The following ARHGAP26 variants were observed in gnomAD, a reference collection of about 807,000 sequenced individuals.
ARHGAP26 encodes Rho GTPase activating protein 26.
Under a neutral mutation model 104.8 loss-of-function variants are expected in ARHGAP26, and 38 were observed. That is an observed-to-expected ratio of 0.36 (90% confidence interval 0.28 to 0.48). The LOEUF is 0.48. Ranked by LOEUF, ARHGAP26 falls within the 20% of genes least tolerant of loss-of-function variation. ARHGAP26 has a pLI of 0.99. For synonymous variants in ARHGAP26, 341 were observed against 340.0 expected, an observed-to-expected ratio of 1.00 and a Z score of -0.03; for missense variants, 704 against 947.9, an observed-to-expected ratio of 0.74 and a Z score of 3.38.
At chr5:143,149,152 C>A (rs965366955) in intron 20 of ARHGAP26, among the ~76,000 whole-genome samples, 6 of 152,124 alleles carry the variant, frequency 3.9e-5, no homozygotes, top group African/African-American at 1.4e-4. Flanking sequence ...TCACACCACC[C>A]AGAGGGACTG....
At chr5:142,854,934 A>AC (rs58994031) in intron 1 of ARHGAP26, among the ~76,000 whole-genome samples, 3,634 of 151,794 alleles carry the variant, frequency 0.024, 51 homozygotes, top group African/African-American at 0.043. Context: ...TGTTCAAAGG[A>AC]CCCCCCAGTC....
intron 20 of ARHGAP26, among the ~76,000 whole-genome samples, chr5:143,168,012 C>G (rs1802248547): frequency 6.6e-6 from 1 of 152,146 alleles, no homozygotes. Flanking sequence ...GGATAAAGTG[C>G]TGCTGGAATT....
intron 12 of ARHGAP26, chr5:143,014,495 C>T: frequency 4.7e-6 from 1 of 211,536 alleles, no homozygotes; most frequent in Non-Finnish European, 9.5e-6. Flanking sequence ...GCCAAAGTTG[C>T]TGTTGCCTCC....
At chr5:143,041,571 G>A (rs2150148610) in intron 13 of ARHGAP26, 1 of 377,692 alleles carries the variant, frequency 2.6e-6, no homozygotes, top group Non-Finnish European at 5.1e-6. Flanking sequence ...AGCTTCTTTC[G>A]CCGCTGATGA....
intron 12 of ARHGAP26, among the ~76,000 whole-genome samples, chr5:143,035,371 G>T (rs1239714046): frequency 1.3e-5 from 2 of 152,168 alleles, no homozygotes; most frequent in African/African-American, 4.8e-5. Flanking sequence ...AAAAAGGAAT[G>T]ATTAATGGCA....
intron 20 of ARHGAP26, among the ~76,000 whole-genome samples, chr5:143,196,799 G>A (rs1806907480): frequency 6.6e-6 from 1 of 152,192 alleles, no homozygotes; most frequent in Admixed American, 6.5e-5. Flanking sequence ...GCTTTGCCTT[G>A]TTTGACCTCA....
chr5:143,160,261 G>A (rs762593865), intron 20 of ARHGAP26, among the ~76,000 whole-genome samples: 14 of 151,790 alleles, frequency 9.2e-5, no homozygotes, highest in Middle Eastern at 3.4e-3. Flanking sequence ...GAGTTTCACC[G>A]TGTTAGCCAG....
chr5:142,882,020 C>A (rs1299023245), intron 4 of ARHGAP26, among the ~76,000 whole-genome samples: 1 of 152,142 alleles, frequency 6.6e-6, no homozygotes, highest in East Asian at 1.9e-4. Context: ...ATAACCATGG[C>A]CCTAAGTTTC....
rs80234440 is a variant in ARHGAP26, at chr5:142,807,423, G to A, written c.154+36508G>A. On this transcript the variant is annotated intron_variant, in intron 1 of 22. Coordinates refer to ENST00000645722, the MANE Select transcript of ARHGAP26 (RefSeq NM_001135608.3). ...AGATCAGCAGTTTCTACACCAGATT[G>A]TATTCCCAGAGGCCCAGCGCTTCAG... is the stretch of plus-strand genomic sequence containing the variant. Among the ~76,000 whole-genome samples, 869 of 152,292 alleles carry A rather than the reference G, an allele frequency of 5.7e-3. 18 individuals carry two copies. In the East Asian group the frequency reaches 0.062, roughly 11 times the overall value.
chr5:142,955,179 AC>A (rs1353104725), intron 11 of ARHGAP26, among the ~76,000 whole-genome samples: 1 of 151,540 alleles, frequency 6.6e-6, no homozygotes, highest in African/African-American at 2.4e-5. Context: ...CATGTGCCTT[AC>A]TCTCAGCTAC....
At chr5:142,798,681 C>T (rs1761470406) in intron 1 of ARHGAP26, among the ~76,000 whole-genome samples, 1 of 152,208 alleles carries the variant, frequency 6.6e-6, no homozygotes, top group Non-Finnish European at 1.5e-5. Context: ...AGAGTTTCCG[C>T]CCAGGACCTA....
intron 11 of ARHGAP26, among the ~76,000 whole-genome samples, chr5:142,963,185 T>TAC (rs1598407193): frequency 4.6e-5 from 5 of 108,114 alleles, no homozygotes; most frequent in East Asian, 5.7e-4. Flanking sequence ...TATATATATA[T>TAC]ATATATATAT....
At chr5:142,828,733 G>C (rs1767800059) in intron 1 of ARHGAP26, among the ~76,000 whole-genome samples, 1 of 152,128 alleles carries the variant, frequency 6.6e-6, no homozygotes, top group Admixed American at 6.5e-5. Flanking sequence ...GTCATGTAGG[G>C]GATTGTCTCT....
chr5:142,902,331 G>C (rs1328216414), intron 7 of ARHGAP26, among the ~76,000 whole-genome samples: 2 of 152,160 alleles, frequency 1.3e-5, no homozygotes, highest in Non-Finnish European at 2.9e-5. Context: ...GATTTCCTTT[G>C]GCGGTGGAAA....
In ARHGAP26 at chr5:143,013,147, A is replaced by C. The variant is rs562613040; in HGVS notation, c.1108-933A>C. 9.2e-5 allele frequency among the ~76,000 whole-genome samples: 14 copies of C among 152,342 alleles called. No individual in the cohort carries two copies. The East Asian group carries it at 2.5e-3, about 27-fold the overall frequency. On this transcript the variant is annotated intron_variant, in intron 11 of 22. Transcript: ENST00000645722. ...GGAATACTAACTTTGAGTACCAATTAAGCTAAATATCAACCTCTCTTAAAA... is the reference window on the plus strand; with the variant it reads ...GGAATACTAACTTTGAGTACCAATTCAGCTAAATATCAACCTCTCTTAAAA...
chr5:143,015,590 T>C (rs904789801), intron 12 of ARHGAP26, among the ~76,000 whole-genome samples: 2 of 152,154 alleles, frequency 1.3e-5, no homozygotes, highest in African/African-American at 4.8e-5. Context: ...AACAGAGTAG[T>C]TTCCCAGAGG....
intron 13 of ARHGAP26, among the ~76,000 whole-genome samples, chr5:143,037,975 G>A (rs1171309256): frequency 6.6e-6 from 1 of 152,186 alleles, no homozygotes; most frequent in Non-Finnish European, 1.5e-5. Context: ...AGATCAAGGA[G>A]GCTGGTTCAT....
At chr5:142,997,299 A>C (rs1451355853) in intron 11 of ARHGAP26, among the ~76,000 whole-genome samples, 1 of 152,168 alleles carries the variant, frequency 6.6e-6, no homozygotes, top group Non-Finnish European at 1.5e-5. Flanking sequence ...TAGAGTGGTG[A>C]AACATTTTGA....
At chr5:143,032,888 C>T (rs1048187354) in intron 12 of ARHGAP26, among the ~76,000 whole-genome samples, 1 of 152,072 alleles carries the variant, frequency 6.6e-6, no homozygotes, top group South Asian at 2.1e-4. Flanking sequence ...GATGGGGGTC[C>T]CCAGGCAGTG....
Sources: gnomAD v4.1 joint callset for allele counts (sites outside exome capture counted in the v4.1 genomes callset) on GRCh38, gnomAD v4.1.1 for gene constraint, MANE v1.5 for transcripts, NCBI Gene and HGNC (gene_info 2026-07-23, HGNC 2026-07-21) for gene names.